CPXM2: variants seen among roughly 807,000 people sequenced by gnomAD.
The protein encoded by CPXM2 is inactive carboxypeptidase-like protein X2.
Under a neutral mutation model 86.1 loss-of-function variants are expected in CPXM2, and 66 were observed. The observed-to-expected ratio is 0.77, with a 90% CI of 0.63 to 0.94. The LOEUF (loss-of-function observed/expected upper bound fraction) is 0.94, where lower values mean the gene tolerates loss of function less well. CPXM2 is among the 40% of genes least tolerant of loss of function. The pLI is 0.00. For synonymous variants in CPXM2, 388 were observed against 400.2 expected, an observed-to-expected ratio of 0.97 and a Z score of 0.36; for missense variants, 948 against 1,026.3, an observed-to-expected ratio of 0.92 and a Z score of 1.04.
At chr10:123,901,223 A>G (rs577381257) in intron 2 of CPXM2, among the ~76,000 whole-genome samples, 17 of 152,332 alleles carry the variant, frequency 1.1e-4, no homozygotes, top group African/African-American at 4.1e-4. Flanking sequence ...ATCCAATTGA[A>G]TTACATCTAC....
chr10:123,912,992 T>G (rs1459702024), intron 2 of CPXM2, among the ~76,000 whole-genome samples: 4 of 152,056 alleles, frequency 2.6e-5, no homozygotes, highest in South Asian at 2.1e-4. Context: ...GCTGAAAGAG[T>G]GCTTAGCGAT....
At chr10:123,832,829 A>AAAAAAAAAAAAG (rs1297636742) in intron 4 of CPXM2, among the ~76,000 whole-genome samples, 1 of 151,800 alleles carries the variant, frequency 6.6e-6, no homozygotes, top group African/African-American at 2.4e-5. Context: ...CTCTGTCTAA[A>AAAAAAAAAAAAG]AAAAAAAAGA....
intron 2 of CPXM2, among the ~76,000 whole-genome samples, chr10:123,871,592 G>T (rs1944897325): frequency 6.6e-6 from 1 of 152,062 alleles, no homozygotes; most frequent in East Asian, 1.9e-4. Flanking sequence ...GTGAAAATAT[G>T]TTCATGTAAA....
At chr10:123,796,807 C>T (rs966340028) in intron 6 of CPXM2, among the ~76,000 whole-genome samples, 18 of 152,320 alleles carry the variant, frequency 1.2e-4, no homozygotes, top group Admixed American at 9.8e-4. Flanking sequence ...AGTGGGAAGG[C>T]CTCACTGGAG....
At chr10:123,902,906 G>A (rs1945397093) in intron 2 of CPXM2, among the ~76,000 whole-genome samples, 2 of 152,166 alleles carry the variant, frequency 1.3e-5, no homozygotes, top group African/African-American at 4.8e-5. Flanking sequence ...ACTGCCTGGA[G>A]AACAAAGGCC....
chr10:123,870,822 C>T (rs1944883215), intron 2 of CPXM2, among the ~76,000 whole-genome samples: 1 of 152,230 alleles, frequency 6.6e-6, no homozygotes, highest in South Asian at 2.1e-4. Context: ...GCCCTAACCC[C>T]TCTCCCAGAA....
At chr10:123,759,367 T>C (rs906933694) in intron 11 of CPXM2, among the ~76,000 whole-genome samples, 15 of 152,190 alleles carry the variant, frequency 9.9e-5, no homozygotes, top group African/African-American at 3.6e-4. Flanking sequence ...ATGCGATATT[T>C]AAACATTCTG....
Position 123,780,371 on chromosome 10 carries a change from G to A in CPXM2, c.890-116C>T, listed in dbSNP as rs137977787. ...TGCAGCCCAATCTCTAGCTTCTAAC[G>A]TTGGCTCAGAGATGAGAAAACCAAC... On this transcript the variant is annotated intron_variant, in intron 6 of 13. Transcript: ENST00000241305. The A allele has an allele frequency of 9.5e-5, 69 of 724,450 alleles. No individual in the cohort carries two copies. The East Asian group carries it at 1.3e-3, about 14-fold the overall frequency. 44.9% of individuals were successfully genotyped at this position (724,450 alleles called of 1,614,324 possible).
chr10:123,903,526 G>A (rs574818117), intron 2 of CPXM2, among the ~76,000 whole-genome samples: 65 of 152,330 alleles, frequency 4.3e-4, no homozygotes, highest in African/African-American at 1.5e-3. Context: ...GCTGAGATCT[G>A]GGGTACCCAC....
chr10:123,818,707 C>T (rs1034692329), intron 4 of CPXM2, among the ~76,000 whole-genome samples: 1 of 152,208 alleles, frequency 6.6e-6, no homozygotes, highest in African/African-American at 2.4e-5. Flanking sequence ...TGTTCCCCAT[C>T]ATCCTGAAGC....
At chr10:123,901,429 T>TGTGTGTGTG (rs1945379896) in intron 2 of CPXM2, among the ~76,000 whole-genome samples, 4 of 139,040 alleles carry the variant, frequency 2.9e-5, no homozygotes, top group Admixed American at 7.1e-5. Context: ...CCAAGCAAGT[T>TGTGTGTGTG]TGTGTGTGTG....
intron 1 of CPXM2, among the ~76,000 whole-genome samples, chr10:123,884,192 T>C (rs1945142803): frequency 6.6e-6 from 1 of 152,140 alleles, no homozygotes; most frequent in Admixed American, 6.5e-5. Context: ...AGCCCAGGGC[T>C]CTGAGGTCCT....
upstream of CPXM2, among the ~76,000 whole-genome samples, chr10:123,941,331 T>G (rs1262062734): frequency 6.6e-6 from 1 of 152,200 alleles, no homozygotes; most frequent in Non-Finnish European, 1.5e-5. Flanking sequence ...CCTCTGCTGG[T>G]TGCCAGCTTC....
At chr10:123,914,349 T>C (rs1375899670) in intron 2 of CPXM2, among the ~76,000 whole-genome samples, 1 of 152,192 alleles carries the variant, frequency 6.6e-6, no homozygotes, top group Non-Finnish European at 1.5e-5. Context: ...GATGTACATG[T>C]TCTTTAGCGC....
intron 2 of CPXM2, among the ~76,000 whole-genome samples, chr10:123,867,519 A>C (rs1162374590): frequency 7.6e-6 from 1 of 131,158 alleles, no homozygotes; most frequent in African/African-American, 2.9e-5. Flanking sequence ...CATCCTAGAG[A>C]TTTCTTTCTT....
At chr10:123,757,900 T>G (rs1846249694) in intron 11 of CPXM2, among the ~76,000 whole-genome samples, 1 of 152,058 alleles carries the variant, frequency 6.6e-6, no homozygotes, top group African/African-American at 2.4e-5. Flanking sequence ...CCAGCAGAGG[T>G]AGGCAACACA....
chr10:123,752,455 T>C, intron 13 of CPXM2: 1 of 985,330 alleles, frequency 1.0e-6, no homozygotes, highest in Non-Finnish European at 1.2e-6. Context: ...TTTTGTGGCA[T>C]TTTAGACACA....
At chr10:123,817,709 C>A (rs1054039829) in intron 4 of CPXM2, among the ~76,000 whole-genome samples, 2 of 152,228 alleles carry the variant, frequency 1.3e-5, no homozygotes, top group African/African-American at 4.8e-5. Flanking sequence ...TTCTCTCCCC[C>A]AGACTGCATC....
In CPXM2 at chr10:123,771,023, T is replaced by C. The variant is rs751886826; in HGVS notation, c.995A>G (p.Asn332Ser). Residue 332 changes from asparagine to serine, a missense_variant, in exon 8 of 14, where the codon AAT (asparagine) becomes AGT (serine). By Grantham distance (46) the Asn-to-Ser change is conservative. Coordinates refer to ENST00000241305, the MANE Select transcript of CPXM2 (RefSeq NM_198148.3). ...KEMRQLMKVV[N>S]EMCPNITRIY... ...TCTGGTGATATTGGGACACATTTCA[T>C]TCACAACTTTCATCAACTGAAAAAC... The C allele has an allele frequency of 4.6e-5, 74 of 1,613,246 alleles. No homozygotes were observed. Among genetic ancestry groups the C allele is most frequent in the East Asian group, 1.3e-4 (6 of 44,894 alleles).
Sources: gnomAD v4.1 joint callset for allele counts (sites outside exome capture counted in the v4.1 genomes callset) on GRCh38, gnomAD v4.1.1 for gene constraint, MANE v1.5 for transcripts, NCBI Gene and HGNC (gene_info 2026-07-23, HGNC 2026-07-21) for gene names.